The following KIRREL3 variants were observed in gnomAD, a reference collection of about 807,000 sequenced individuals.
KIRREL3 encodes the protein kin of IRRE-like protein 3.
In KIRREL3, 36 loss-of-function variants were observed where a neutral mutation model predicts 89.7. The ratio of observed to expected loss-of-function variants is 0.40; its 90% CI spans 0.31 to 0.53. The LOEUF is 0.53. KIRREL3 is among the 20% of genes least tolerant of loss of function. The pLI, the probability that KIRREL3 is intolerant of heterozygous loss-of-function variation, is 0.49. For synonymous variants in KIRREL3, 445 were observed against 441.4 expected (o/e 1.01, Z -0.10); for missense variants, 864 against 1,056.6 (o/e 0.82, Z 2.53).
At chr11:126,787,878 C>T (rs147534459) in intron 1 of KIRREL3, among the ~76,000 whole-genome samples, 68 of 152,272 alleles carry the variant, frequency 4.5e-4, no homozygotes, top group African/African-American at 1.5e-3. Flanking sequence ...TGCTCTTCAC[C>T]CTGCTTCTTC....
At position 126,999,824 on chromosome 11, in the gene KIRREL3, T is replaced by G. The variant is rs1375203055; in HGVS notation, c.55+631A>C. ...ATCAGCACCACGGGCGAAATTTCAT[T>G]TTATACCCTGAATTCAGTGCTGTGT... On this transcript the variant is annotated intron_variant, in intron 1 of 16. Coordinates refer to ENST00000525144, the MANE Select transcript of KIRREL3 (RefSeq NM_032531.4). The surrounding 1 kb of genome is among the most constrained non-coding windows in gnomAD (Gnocchi z 5.7). Among the ~76,000 whole-genome samples the G allele has an allele frequency of 6.6e-6, 1 of 152,134 alleles. No individual in the cohort carries two copies. The highest frequency in any genetic ancestry group is 1.5e-5 in the Non-Finnish European group (1 of 68,034).
rs1231339692 is a variant in KIRREL3 at position 126,492,000 on chromosome 11, G to A, written c.434-18534C>T. ...TACAGGTGTGAGCCACCACGCCTGG[G>A]AGATTTGGAGTATTGATAGAGGGAT... On this transcript the variant is annotated intron_variant, in intron 4 of 16. Coordinates refer to ENST00000525144, the MANE Select transcript of KIRREL3 (RefSeq NM_032531.4). This position sits in a 1 kb window ranked among gnomAD's most constrained non-coding sequence, Gnocchi z 5.5. Among the ~76,000 whole-genome samples the A allele has an allele frequency of 6.6e-6, 1 of 152,090 alleles. No individual in the cohort carries two copies. The highest frequency in any genetic ancestry group is 1.5e-5 in the Non-Finnish European group (1 of 68,002).
intron 1 of KIRREL3, among the ~76,000 whole-genome samples, chr11:126,910,820 G>A (rs1946786663): frequency 1.3e-5 from 2 of 152,182 alleles, no homozygotes; most frequent in South Asian, 2.1e-4. Context: ...CACCTGCTAG[G>A]GGAAACATCT....
chr11:126,665,085 A>G (rs565112511), intron 1 of KIRREL3, among the ~76,000 whole-genome samples: 5 of 152,330 alleles, frequency 3.3e-5, no homozygotes, highest in South Asian at 2.1e-4. Context: ...GTAGTTCCTT[A>G]TAAATTTTTT....
chr11:126,898,546 C>T lies in KIRREL3; in HGVS notation c.55+101909G>A, dbSNP rs942150470. On this transcript the variant is annotated intron_variant, in intron 1 of 16. Coordinates refer to ENST00000525144, the MANE Select transcript of KIRREL3 (RefSeq NM_032531.4). The surrounding 1 kb of genome is among the most constrained non-coding windows in gnomAD (Gnocchi z 4.9). The stretch of plus-strand genomic sequence containing the variant: ...TGAAGTGGGCAGATACCTAACAATA[C>T]GAACAATTCCTAAAAGCAGCGTTAG... Among the ~76,000 whole-genome samples, 6 of 152,228 alleles carry T rather than the reference C, an allele frequency of 3.9e-5. No individual in the cohort carries two copies. Among genetic ancestry groups the T allele is most frequent in the African/African-American group, 4.8e-5 (2 of 41,556 alleles).
In KIRREL3 at chr11:126,666,229, A is replaced by G. The variant is rs1945657777; in HGVS notation, c.56-103317T>C. Among the ~76,000 whole-genome samples, 1 of 152,174 alleles carries G rather than the reference A, an allele frequency of 6.6e-6. No homozygotes were observed. The highest frequency in any genetic ancestry group is 2.4e-5 in the African/African-American group (1 of 41,440). ...GAATGCAATTGTCATGTGGCAAGTT[A>G]TTTCAGGTTTTCTTGTTATCCTCCT... On this transcript the variant is annotated intron_variant, in intron 1 of 16. Coordinates refer to ENST00000525144, the MANE Select transcript of KIRREL3 (RefSeq NM_032531.4). This position sits in a 1 kb window ranked among gnomAD's most constrained non-coding sequence, Gnocchi z 4.2.
chr11:126,565,556 G>A lies in KIRREL3; in HGVS notation c.56-2644C>T, dbSNP rs964369479. Among the ~76,000 whole-genome samples the A allele has an allele frequency of 2.0e-5, 3 of 152,176 alleles. No individual in the cohort carries two copies. Among genetic ancestry groups the A allele is most frequent in the African/African-American group, 7.2e-5 (3 of 41,440 alleles). On this transcript the variant is annotated intron_variant, in intron 1 of 16. Transcript: ENST00000525144. This position sits in a 1 kb window ranked among gnomAD's most constrained non-coding sequence, Gnocchi z 5.4. ...CACTGCAGAAATTTATTAAGTGCGA[G>A]GGCTCTCTGACTGAGACTTTGTAGA...
At chr11:126,457,347 G>A (rs1036528164) in intron 6 of KIRREL3, among the ~76,000 whole-genome samples, 1 of 137,800 alleles carries the variant, frequency 7.3e-6, no homozygotes, top group Non-Finnish European at 1.6e-5. Context: ...ATGTGTGTGT[G>A]TATGTATGTC....
In KIRREL3 at chr11:126,606,834, A is replaced by T. The variant is rs112433519; in HGVS notation, c.56-43922T>A. ...TCTGCACTCTTTTTTTCTTTCTTTA[A>T]AAGCTTAGACTGATTAAAGATGGGA... is the stretch of plus-strand genomic sequence containing the variant. On this transcript the variant is annotated intron_variant, in intron 1 of 16. Transcript: ENST00000525144. The surrounding 1 kb of genome is among the most constrained non-coding windows in gnomAD (Gnocchi z 4.6). Among the ~76,000 whole-genome samples the T allele has an allele frequency of 0.038, 5,735 of 152,044 alleles. 133 individuals carry two copies. Among genetic ancestry groups the T allele is most frequent in the Middle Eastern group, 0.071 (21 of 294 alleles).
In KIRREL3 at chr11:126,455,931, C is replaced by T. The variant is rs1956324130; in HGVS notation, c.848+418G>A. The stretch of plus-strand genomic sequence containing the variant: ...GGATGCTCACTGGACTGGGCCGGGG[C>T]CCAGACATCCTGATCTACCCAGGTG... On this transcript the variant is annotated intron_variant, in intron 7 of 16. Coordinates refer to ENST00000525144, the MANE Select transcript of KIRREL3 (RefSeq NM_032531.4). The surrounding 1 kb of genome is among the most constrained non-coding windows in gnomAD (Gnocchi z 6.4). 6.6e-6 allele frequency among the ~76,000 whole-genome samples: 1 copy of T among 151,834 alleles called. No homozygotes were observed. The highest frequency in any genetic ancestry group is 6.6e-5 in the Admixed American group (1 of 15,252).
intron 7 of KIRREL3, among the ~76,000 whole-genome samples, chr11:126,450,130 C>G (rs1351016147): frequency 2.0e-5 from 3 of 150,580 alleles, no homozygotes; most frequent in Non-Finnish European, 2.9e-5. Context: ...CGGAGCCTCA[C>G]AGGGGTGTAT....
At chr11:126,450,863 G>GTGTGTGCA (rs370244986) in intron 7 of KIRREL3, among the ~76,000 whole-genome samples, 2 of 150,590 alleles carry the variant, frequency 1.3e-5, no homozygotes, top group Non-Finnish European at 3.0e-5. Context: ...ATGTGCACGT[G>GTGTGTGCA]TGTGTGCATG....
rs1311728697 is a variant in KIRREL3, at chr11:126,912,965, G to T, written c.55+87490C>A. Among the ~76,000 whole-genome samples the T allele has an allele frequency of 6.6e-6, 1 of 152,330 alleles. No homozygotes were observed. Among genetic ancestry groups the T allele is most frequent in the South Asian group, 2.1e-4 (1 of 4,830 alleles). ...AGTCTAAGTAGTCAAGAGAGGAAAT[G>T]CCTTAAGGAACCACGAGATCCCTTG... On this transcript the variant is annotated intron_variant, in intron 1 of 16. Coordinates refer to ENST00000525144, the MANE Select transcript of KIRREL3 (RefSeq NM_032531.4). This position sits in a 1 kb window ranked among gnomAD's most constrained non-coding sequence, Gnocchi z 4.7.
chr11:126,979,147 A>G (rs1372102736), intron 1 of KIRREL3, among the ~76,000 whole-genome samples: 1 of 151,544 alleles, frequency 6.6e-6, no homozygotes, highest in Non-Finnish European at 1.5e-5. Flanking sequence ...CTCAGCAAAC[A>G]CTCTCTTTTT....
intron 2 of KIRREL3, among the ~76,000 whole-genome samples, chr11:126,540,882 C>T (rs781360269): frequency 1.3e-5 from 2 of 152,206 alleles, no homozygotes; most frequent in African/African-American, 4.8e-5. Flanking sequence ...GCTAAGCCCC[C>T]TTTCTTCTCT....
intron 1 of KIRREL3, among the ~76,000 whole-genome samples, chr11:126,672,607 C>T (rs759498658): frequency 2.6e-5 from 4 of 152,114 alleles, no homozygotes; most frequent in East Asian, 1.9e-4. Flanking sequence ...TTTTTAAGGC[C>T]GTGAAAATAT....
At chr11:126,717,951 C>A (rs1466067827) in intron 1 of KIRREL3, among the ~76,000 whole-genome samples, 1 of 152,108 alleles carries the variant, frequency 6.6e-6, no homozygotes, top group Admixed American at 6.5e-5. Context: ...GGTAGTGAGC[C>A]GTGATTGCTA....
In KIRREL3 at chr11:126,931,490, T is replaced by C. The variant is rs140197620; in HGVS notation, c.55+68965A>G. Among the ~76,000 whole-genome samples the C allele has an allele frequency of 2.0e-5, 3 of 152,294 alleles. No homozygotes were observed. The East Asian group carries it at 5.8e-4, about 29-fold the overall frequency. ...ATTGTCTTCCAGGAACCCATAGCAT[T>C]GTGGCATCCAGACTTTGAGACAATC... On this transcript the variant is annotated intron_variant, in intron 1 of 16. Coordinates refer to ENST00000525144, the MANE Select transcript of KIRREL3 (RefSeq NM_032531.4). The surrounding 1 kb of genome is among the most constrained non-coding windows in gnomAD (Gnocchi z 5.1).
rs1173954733 is a variant in KIRREL3, at chr11:126,999,530, C to T, written c.55+925G>A. Among the ~76,000 whole-genome samples the T allele has an allele frequency of 2.0e-5, 3 of 152,224 alleles. No individual in the cohort carries two copies. The highest frequency in any genetic ancestry group is 4.4e-5 in the Non-Finnish European group (3 of 68,042). ...CCTCTAAGAGCTGTGTTGGCTGGCA[C>T]AAATGCAGCCTCAGATGGCAGAGGT... On this transcript the variant is annotated intron_variant, in intron 1 of 16. Coordinates refer to ENST00000525144, the MANE Select transcript of KIRREL3 (RefSeq NM_032531.4). This position sits in a 1 kb window ranked among gnomAD's most constrained non-coding sequence, Gnocchi z 5.7.
Sources: allele counts gnomAD v4.1 joint callset (sites outside exome capture counted in the v4.1 genomes callset), GRCh38; gene constraint gnomAD v4.1.1; non-coding constraint Gnocchi (gnomAD v3.1); transcripts MANE v1.5; gene names NCBI Gene and HGNC (gene_info 2026-07-23, HGNC 2026-07-21).